The following EVL variants were observed in gnomAD, a reference collection of about 807,000 sequenced individuals.
EVL encodes the protein Enah/Vasp-like.
A neutral mutation model predicts 59.6 loss-of-function variants in EVL; 21 were observed. That is an observed-to-expected ratio of 0.35 (90% CI 0.25 to 0.51). EVL has a LOEUF of 0.51. EVL is among the 20% of genes least tolerant of loss of function. The probability of loss-of-function intolerance (pLI) is 0.97; values close to 1 mark genes in which losing one functional copy is unlikely to be tolerated. For missense variants in EVL, 462 were observed against 546.6 expected (o/e 0.85, Z 1.54); for synonymous variants, 198 against 203.5 (o/e 0.97, Z 0.23).
chr14:100,017,092 T>C (rs958302589), intron 1 of EVL, among the ~76,000 whole-genome samples: 3 of 152,234 alleles, frequency 2.0e-5, no homozygotes, highest in African/African-American at 7.2e-5. Flanking sequence ...CTGCTACTTA[T>C]AGCTGTATGA....
Position 100,129,671 on chromosome 14 carries a change from C to T in EVL, c.826C>T (p.Leu276=). ...GGGLMEEMNK[L]LAKRRKAASQ... ...AGGCCTCATGGAGGAAATGAACAAA[C>T]TGCTGGCCAAGAGGTGGGTCTCTAC... The change falls in exon 7 of 14, where the codon CTG becomes TTG. Residue 276 remains leucine (L), a synonymous_variant. Coordinates refer to ENST00000392920, the MANE Select transcript of EVL (RefSeq NM_016337.3). The T allele has an allele frequency of 6.3e-7, 1 of 1,579,552 alleles. No individual in the cohort carries two copies. The highest frequency in any genetic ancestry group is 8.6e-7 in the Non-Finnish European group (1 of 1,161,198).
At chr14:99,976,887 T>C (rs1252357237) in intron 1 of EVL, among the ~76,000 whole-genome samples, 1 of 152,230 alleles carries the variant, frequency 6.6e-6, no homozygotes, top group Non-Finnish European at 1.5e-5. Flanking sequence ...CTGAGCTCAC[T>C]TTCTCAGGCT....
intron 1 of EVL, among the ~76,000 whole-genome samples, chr14:99,978,784 A>G (rs1053489202): frequency 6.6e-6 from 1 of 152,228 alleles, no homozygotes; most frequent in African/African-American, 2.4e-5. Context: ...AGATACTGTC[A>G]TGAGAGTACG....
chr14:99,971,891 C>T (rs1478573989), exon 1 of EVL: 1 of 147,396 alleles, frequency 6.8e-6, no homozygotes, highest in African/African-American at 2.4e-5. Flanking sequence ...CGACGCCCAC[C>T]CGGAGAAGAT....
At chr14:100,055,058 G>A (rs974491050) in intron 1 of EVL, among the ~76,000 whole-genome samples, 5 of 152,060 alleles carry the variant, frequency 3.3e-5, no homozygotes, top group African/African-American at 9.7e-5. Context: ...AATTAGCTGG[G>A]CATTGTGGTG....
chr14:100,143,089 G>A (rs971366074), intron 13 of EVL, among the ~76,000 whole-genome samples: 3 of 152,194 alleles, frequency 2.0e-5, no homozygotes, highest in African/African-American at 7.2e-5. Flanking sequence ...GGGAGGGGAT[G>A]GATACCAGAG....
intron 1 of EVL, among the ~76,000 whole-genome samples, chr14:100,042,171 T>C (rs954509389): frequency 2.6e-5 from 4 of 152,206 alleles, no homozygotes; most frequent in Non-Finnish European, 4.4e-5. Context: ...TTGTACTAAG[T>C]CTTTGAAATT....
intron 8 of EVL, 143 bp downstream of exon 8, chr14:100,132,922 C>G (rs1888529538): frequency 1.1e-6 from 1 of 891,150 alleles, no homozygotes; most frequent in Non-Finnish European, 1.8e-6. Context: ...GGCGGAGGGT[C>G]TCTGCGGTGC....
chr14:100,003,209 A>G (rs1449411396), intron 1 of EVL, among the ~76,000 whole-genome samples: 1 of 152,074 alleles, frequency 6.6e-6, no homozygotes, highest in Non-Finnish European at 1.5e-5. Context: ...CTGGCCCTGC[A>G]TCTCAGGAAT....
intron 2 of EVL, among the ~76,000 whole-genome samples, chr14:100,090,448 T>TA (rs1383867374): frequency 6.6e-6 from 1 of 152,204 alleles, no homozygotes; most frequent in Non-Finnish European, 1.5e-5. Flanking sequence ...AATGTCTTCT[T>TA]ACAACCATGC....
intron 1 of EVL, among the ~76,000 whole-genome samples, chr14:100,000,324 G>A (rs1264015726): frequency 6.8e-6 from 1 of 147,696 alleles, no homozygotes. Context: ...GTAGATAAGA[G>A]ACAAACTGTT....
intron 7 of EVL, 116 bp downstream of exon 7, chr14:100,129,800 G>C: frequency 7.2e-7 from 1 of 1,382,046 alleles, no homozygotes; most frequent in South Asian, 1.5e-5. Context: ...CCTGGGTTTA[G>C]CCAAGCAGGG....
chr14:100,025,756 C>T (rs966419596), intron 1 of EVL, among the ~76,000 whole-genome samples: 1 of 151,964 alleles, frequency 6.6e-6, no homozygotes, highest in Non-Finnish European at 1.5e-5. Flanking sequence ...GGAGAAACCC[C>T]TACTAAAATA....
At chr14:99,999,162 C>T (rs950072110) in intron 1 of EVL, among the ~76,000 whole-genome samples, 1 of 152,178 alleles carries the variant, frequency 6.6e-6, no homozygotes, top group East Asian at 1.9e-4. Context: ...GTCTACCATA[C>T]ATTATTTGAC....
chr14:100,007,999 C>A (rs930826643), intron 1 of EVL, among the ~76,000 whole-genome samples: 2 of 152,192 alleles, frequency 1.3e-5, no homozygotes, highest in Non-Finnish European at 2.9e-5. Flanking sequence ...ATGCTAGAAG[C>A]AACACCCAAC....
At chr14:100,089,074 G>A (rs1396491680) in intron 2 of EVL, among the ~76,000 whole-genome samples, 1 of 152,130 alleles carries the variant, frequency 6.6e-6, no homozygotes, top group African/African-American at 2.4e-5. Context: ...AATGCTAAAA[G>A]GGCAATTGAA....
chr14:100,020,236 T>C (rs568776996), intron 1 of EVL, among the ~76,000 whole-genome samples: 1 of 152,334 alleles, frequency 6.6e-6, no homozygotes, highest in Non-Finnish European at 1.5e-5. Flanking sequence ...AACAGGGCTC[T>C]TTGCTTTCGT....
Position 100,132,706 on chromosome 14 carries a change from T to C in EVL, c.840-13T>C, listed in dbSNP as rs776256592. The C allele has an allele frequency of 6.2e-7, 1 of 1,614,028 alleles. No homozygotes were observed. The highest frequency in any genetic ancestry group is 8.5e-7 in the Non-Finnish European group (1 of 1,179,964). ...GAGGAGCTGATCTGTATCTTCCCCT[T>C]CTCTGTGCCTAGGAGAAAAGCAGCC... On this transcript the variant is annotated splice_polypyrimidine_tract_variant and intron_variant, in intron 7 of 13. Coordinates refer to ENST00000392920, the MANE Select transcript of EVL (RefSeq NM_016337.3).
intron 1 of EVL, among the ~76,000 whole-genome samples, chr14:100,016,567 ACTCCGT>A (rs1365656653): frequency 6.6e-6 from 1 of 152,178 alleles, no homozygotes; most frequent in Non-Finnish European, 1.5e-5. Context: ...AAAGAGCGAG[ACTCCGT>A]CTCTAAAACA....
Sources: gnomAD v4.1 joint callset for allele counts (sites outside exome capture counted in the v4.1 genomes callset) on GRCh38, gnomAD v4.1.1 for gene constraint, MANE v1.5 for transcripts, NCBI Gene and HGNC (gene_info 2026-07-23, HGNC 2026-07-21) for gene names.